The following ASRGL1 variants were observed in gnomAD, a reference collection of about 807,000 sequenced individuals.
ASRGL1 encodes asparaginase and isoaspartyl peptidase 1.
ASRGL1 carries 16 observed loss-of-function variants against 22.4 expected under a neutral mutation model. The observed-to-expected ratio is 0.71, with a 90% confidence interval of 0.48 to 1.08. The LOEUF (loss-of-function observed/expected upper bound fraction) is 1.08. Among genes scored for constraint, ASRGL1 ranks in the 50% least tolerant of loss-of-function variants. The probability of loss-of-function intolerance (pLI) is 0.00; values close to 1 mark genes in which losing one functional copy is unlikely to be tolerated. For synonymous variants in ASRGL1, 165 were observed against 159.3 expected, an observed-to-expected ratio of 1.04 and a Z score of -0.27; for missense variants, 412 against 410.1, an observed-to-expected ratio of 1.00 and a Z score of -0.04.
At chr11:62,387,897 G>A (rs771855624) in intron 4 of ASRGL1, among the ~76,000 whole-genome samples, 3 of 152,082 alleles carry the variant, frequency 2.0e-5, no homozygotes, top group African/African-American at 2.4e-5. Context: ...TGGGGTGTTC[G>A]TGTACAATTT....
rs1946620949 is a variant in ASRGL1 at position 62,366,768 on chromosome 11, C to CTT, written c.491+9625_491+9626dup. Among the ~76,000 whole-genome samples the CTT allele has an allele frequency of 2.6e-5, 4 of 152,148 alleles. No homozygotes were observed. The South Asian group carries it at 8.3e-4, about 32-fold the overall frequency. On this transcript the variant is annotated intron_variant, in intron 4 of 6. Transcript: ENST00000415229. Reference sequence around the variant, plus strand: ...TCAAGTGGTCCTCCTACCTCATCCTCTTGAGTAGCAGGAACTACAGGTACA... The same window carrying CTT: ...TCAAGTGGTCCTCCTACCTCATCCTCTTTTGAGTAGCAGGAACTACAGGTACA...
intron 2 of ASRGL1, among the ~76,000 whole-genome samples, chr11:62,340,503 T>C (rs146530536): frequency 1.3e-5 from 2 of 152,326 alleles, no homozygotes; most frequent in African/African-American, 4.8e-5. Context: ...TGGGTCATTC[T>C]GGTTTCCGAC....
At chr11:62,348,872 G>A (rs537911234) in intron 2 of ASRGL1, among the ~76,000 whole-genome samples, 1 of 152,232 alleles carries the variant, frequency 6.6e-6, no homozygotes, top group Non-Finnish European at 1.5e-5. Flanking sequence ...TGCAGTAGTG[G>A]TGGTACCCAA....
chr11:62,389,224 G>A lies in ASRGL1; in HGVS notation c.583G>A (p.Gly195Ser), dbSNP rs140534013. 1.8e-5 allele frequency: 29 copies of A among 1,613,910 alleles called. No homozygotes were observed. The highest frequency in any genetic ancestry group is 5.3e-5 in the African/African-American group (4 of 74,878). Residue 195 changes from glycine to serine, a missense_variant, in exon 5 of 7, where the codon GGC becomes AGC. By Grantham distance (56) the Gly-to-Ser change is moderately conservative (BLOSUM62 0). Coordinates refer to ENST00000415229, the MANE Select transcript of ASRGL1 (RefSeq NM_001083926.2). ...STGGIVNKMV[G>S]RVGDSPCLGA... ...AGGCGGTATCGTTAATAAAATGGTCGGCCGCGTTGGGGACTCACCGTGTCT... is the reference window on the plus strand; with the variant it reads ...AGGCGGTATCGTTAATAAAATGGTCAGCCGCGTTGGGGACTCACCGTGTCT...
At chr11:62,384,090 T>C (rs1947146187) in intron 4 of ASRGL1, among the ~76,000 whole-genome samples, 1 of 151,278 alleles carries the variant, frequency 6.6e-6, no homozygotes, top group South Asian at 2.1e-4. Context: ...GATTAACAAA[T>C]GACCCTGGTA....
chr11:62,396,353 T>C (rs1368539610), downstream of ASRGL1, among the ~76,000 whole-genome samples: 1 of 149,660 alleles, frequency 6.7e-6, no homozygotes, highest in Non-Finnish European at 1.5e-5. Flanking sequence ...CCACCCCACA[T>C]CCACACCCCC....
At chr11:62,391,199 T>G (rs907079705) in intron 5 of ASRGL1, among the ~76,000 whole-genome samples, 2 of 152,180 alleles carry the variant, frequency 1.3e-5, no homozygotes, top group African/African-American at 4.8e-5. Context: ...GTGTGGGGCA[T>G]GAGGAGGAGA....
intron 2 of ASRGL1, among the ~76,000 whole-genome samples, chr11:62,338,980 A>G (rs1449867460): frequency 6.6e-6 from 1 of 151,442 alleles, no homozygotes; most frequent in Non-Finnish European, 1.5e-5. Flanking sequence ...CTGCATTAAG[A>G]TAAGAGGTTG....
intron 2 of ASRGL1, chr11:62,338,370 A>G (rs897082026): frequency 7.0e-6 from 4 of 568,068 alleles, no homozygotes; most frequent in African/African-American, 5.8e-5. Context: ...ACTGAGGCAA[A>G]TATGAGTGAC....
At chr11:62,354,382 A>C (rs897419912) in intron 2 of ASRGL1, among the ~76,000 whole-genome samples, 9 of 152,226 alleles carry the variant, frequency 5.9e-5, no homozygotes, top group Admixed American at 5.9e-4. Context: ...ACTCAACCTT[A>C]TATCGGCTGG....
chr11:62,337,869 GACTGGGC>G lies in ASRGL1; in HGVS notation c.-88-19_-88-13del, dbSNP rs1945761214. 8.1e-7 allele frequency: 1 copy of G among 1,232,404 alleles called. No homozygotes were observed. The allele number at this position is 1,232,404 out of a possible 1,614,324, so 76.3% of individuals were successfully genotyped here. A position where few individuals can be genotyped will look rare whatever the true frequency, so the allele number is the denominator to read the frequency against. ...TGCGAACCCAGCCGTTCAGAACAGA[GACTGGGC>G]ATTGTCCCCACAGGGTCTCCCGAGG... On this transcript the variant is annotated splice_polypyrimidine_tract_variant and intron_variant, in intron 1 of 6. Transcript: ENST00000415229.
chr11:62,371,398 C>G (rs1478574015), intron 4 of ASRGL1: 3 of 590,636 alleles, frequency 5.1e-6, no homozygotes, highest in Non-Finnish European at 8.7e-6. Context: ...GGTCGCCGAA[C>G]CCGAGCACAC....
intron 4 of ASRGL1, among the ~76,000 whole-genome samples, chr11:62,381,020 G>C (rs1947053847): frequency 1.3e-5 from 2 of 152,202 alleles, no homozygotes; most frequent in Admixed American, 1.3e-4. Flanking sequence ...TGTCCATACT[G>C]ATTTTCTGGG....
intron 4 of ASRGL1, among the ~76,000 whole-genome samples, chr11:62,359,732 C>T (rs542496421): frequency 6.6e-6 from 1 of 151,970 alleles, no homozygotes; most frequent in African/African-American, 2.4e-5. Flanking sequence ...ACAAAAAGCT[C>T]CTGTAGTTGC....
At position 62,356,405 on chromosome 11, in the gene ASRGL1, G is replaced by A; in HGVS notation, c.271G>A (p.Ala91Thr). ...GGATGGAAAAGACCTGTCTGCAGGAGCAGTGTCCGCAGTCCAGTGTATAGC... is the reference window on the plus strand; with the variant it reads ...GGATGGAAAAGACCTGTCTGCAGGAACAGTGTCCGCAGTCCAGTGTATAGC... ...IMDGKDLSAG[A>T]VSAVQCIANP... Residue 91 changes from alanine to threonine, a missense_variant, in exon 3 of 7, where the codon GCA (alanine) becomes ACA (threonine). By Grantham distance (58) the Ala-to-Thr change is moderately conservative. Transcript: ENST00000415229. 6.2e-7 allele frequency: 1 copy of A among 1,614,208 alleles called. No homozygotes were observed. Among genetic ancestry groups the A allele is most frequent in the Non-Finnish European group, 8.5e-7 (1 of 1,179,996 alleles).
intron 2 of ASRGL1, among the ~76,000 whole-genome samples, chr11:62,339,666 C>T (rs1436343667): frequency 6.6e-6 from 1 of 152,152 alleles, no homozygotes; most frequent in Non-Finnish European, 1.5e-5. Flanking sequence ...AAATGATTCA[C>T]TTATGAGTTA....
intron 4 of ASRGL1, among the ~76,000 whole-genome samples, chr11:62,375,477 T>C (rs1464990878): frequency 3.5e-5 from 3 of 84,666 alleles, no homozygotes; most frequent in African/African-American, 1.2e-4. Flanking sequence ...TATATATATA[T>C]ATATTTCTTG....
the ASRGL1 span, among the ~76,000 whole-genome samples, chr11:62,400,350 T>C: frequency 3.3e-5 from 5 of 152,214 alleles, no homozygotes; most frequent in Non-Finnish European, 7.3e-5. Flanking sequence ...AAGCCGTCGG[T>C]AAATGTTAGC....
intron 4 of ASRGL1, among the ~76,000 whole-genome samples, chr11:62,364,888 G>A (rs1461441627): frequency 1.3e-5 from 2 of 151,936 alleles, no homozygotes; most frequent in Non-Finnish European, 2.9e-5. Context: ...GGCCAACATG[G>A]CGAAACCCCG....
Sources: allele counts gnomAD v4.1 joint callset (sites outside exome capture counted in the v4.1 genomes callset), GRCh38; gene constraint gnomAD v4.1.1; transcripts MANE v1.5; gene names NCBI Gene and HGNC (gene_info 2026-07-23, HGNC 2026-07-21).